The following CFAP46 variants were observed in gnomAD, a reference collection of about 807,000 sequenced individuals.
The protein encoded by CFAP46 is cilia- and flagella-associated protein 46.
Under a neutral mutation model 325.7 loss-of-function variants are expected in CFAP46, and 245 were observed. The ratio of observed to expected loss-of-function variants is 0.75; its 90% CI spans 0.68 to 0.84. The LOEUF is 0.84. Among genes scored for constraint, CFAP46 ranks in the 40% least tolerant of loss-of-function variants. The probability of loss-of-function intolerance (pLI) is 0.00; values close to 1 mark genes in which losing one functional copy is unlikely to be tolerated. For synonymous variants in CFAP46, 1,523 were observed against 1,495.9 expected (o/e 1.02, Z -0.42); for missense variants, 3,346 against 3,543.0 (o/e 0.94, Z 1.41).
chr10:132,846,905 C>A, intron 43 of CFAP46, 27 bp downstream of exon 43: 1 of 1,590,624 alleles, frequency 6.3e-7, no homozygotes, highest in South Asian at 1.1e-5. Context: ...AAGGGCCTGG[C>A]TGGAGGTGGG....
intron 18 of CFAP46, 105 bp from the exon 19 acceptor site, chr10:132,912,925 G>A (rs1849576479): frequency 1.3e-6 from 2 of 1,482,286 alleles, no homozygotes; most frequent in Non-Finnish European, 1.8e-6. Flanking sequence ...ATGCACGGGT[G>A]CCCACGACCC....
intron 22 of CFAP46, among the ~76,000 whole-genome samples, chr10:132,902,271 C>T (rs1317765419): frequency 6.6e-6 from 1 of 151,674 alleles, no homozygotes; most frequent in Non-Finnish European, 1.5e-5. Context: ...CCACAGGTCA[C>T]AGACGGAAAG....
In CFAP46 at chr10:132,827,182, CAG is replaced by C. The variant is rs1459382709; in HGVS notation, c.7117+6174_7117+6175del. Among the ~76,000 whole-genome samples the C allele has an allele frequency of 2.0e-5, 3 of 152,086 alleles. No homozygotes were observed. Among genetic ancestry groups the C allele is most frequent in the African/African-American group, 7.2e-5 (3 of 41,424 alleles). On this transcript the variant is annotated intron_variant, in intron 50 of 57. Transcript: ENST00000368586. This position sits in a 1 kb window ranked among gnomAD's most constrained non-coding sequence, Gnocchi z 5.7. ...TGAGCCACCCTCCTGCCATGCAGGG[CAG>C]ACACAACCCCACACGGTGCTCGTCA...
Position 132,909,938 on chromosome 10 carries a change from C to A in CFAP46, c.2630G>T (p.Arg877Leu). The change falls in exon 20 of 58, where the codon CGG (arginine) becomes CTG (leucine). Residue 877 changes from arginine (R) to leucine (L), a missense_variant. By Grantham distance (102) the Arg-to-Leu change is moderately radical. Coordinates refer to ENST00000368586, the MANE Select transcript of CFAP46 (RefSeq NM_001200049.3). Reference protein sequence around the residue: ...KQLLQQQIGPRLGTEEQGTNE... With the variant: ...KQLLQQQIGPLLGTEEQGTNE... ...GCCCACCTGCTCCTCGGTGCCCAGCCGTGGCCCAATCTGCTGCTGCAGCAG... is the reference window on the plus strand; with the variant it reads ...GCCCACCTGCTCCTCGGTGCCCAGCAGTGGCCCAATCTGCTGCTGCAGCAG... 6.6e-7 allele frequency: 1 copy of A among 1,511,408 alleles called. No homozygotes were observed. Among genetic ancestry groups the A allele is most frequent in the South Asian group, 1.2e-5 (1 of 80,058 alleles). The allele number at this position is 1,511,408 out of a possible 1,614,324, so 93.6% of individuals were successfully genotyped here. A position where few individuals can be genotyped will look rare whatever the true frequency, so the allele number is the denominator to read the frequency against.
rs1554876285 is a variant in CFAP46 at position 132,832,398 on chromosome 10, C to CCG, written c.7117+959_7117+960insCG. Among the ~76,000 whole-genome samples the CCG allele has an allele frequency of 1.7e-3, 222 of 133,004 alleles. 4 individuals are homozygous for CCG. The highest frequency in any genetic ancestry group is 5.6e-3 in the African/African-American group (196 of 35,158). 87.3% of individuals were successfully genotyped at this position (133,004 alleles called of 152,430 possible). On this transcript the variant is annotated intron_variant, in intron 50 of 57. Transcript: ENST00000368586. The surrounding 1 kb of genome is among the most constrained non-coding windows in gnomAD (Gnocchi z 4.1). ...CCCTGGGCTCTTCCTGCCCCCCCCC[C>CCG]CCAATGCTGTGGCCTGGAAATTCCC...
At chr10:132,930,172 A>C (rs1849871541) in intron 8 of CFAP46, among the ~76,000 whole-genome samples, 1 of 152,108 alleles carries the variant, frequency 6.6e-6, no homozygotes, top group Admixed American at 6.5e-5. Flanking sequence ...TCAGACCCAC[A>C]TCTGCAGCTC....
chr10:132,871,750 CT>C (rs1029928395), intron 32 of CFAP46, among the ~76,000 whole-genome samples: 93 of 152,204 alleles, frequency 6.1e-4, no homozygotes, highest in African/African-American at 2.1e-3. Context: ...GGATCTGCTC[CT>C]GGTAAAGATG....
At chr10:132,879,323 G>A (rs2135356014) in intron 29 of CFAP46, 103 bp downstream of exon 29, 2 of 1,163,260 alleles carry the variant, frequency 1.7e-6, no homozygotes, top group Middle Eastern at 2.9e-4. Context: ...AGGAAATGCT[G>A]GGAAAGACTC....
rs764748695 is a variant in CFAP46, at chr10:132,922,747, T to C, written c.1257-39A>G. 8.8e-6 allele frequency: 13 copies of C among 1,482,810 alleles called. No homozygotes were observed. In the South Asian group the frequency reaches 1.1e-4, roughly 13 times the overall value. 91.9% of individuals were successfully genotyped at this position (1,482,810 alleles called of 1,614,324 possible). On this transcript the variant is annotated intron_variant, in intron 11 of 57. Transcript: ENST00000368586. ...GTGGCATCAGGGGCCCTGGCGGCGC[T>C]GCGCCTCTGTCAGGCTGGGGTCACA...
chr10:132,816,922 A>G (rs1422775928), intron 50 of CFAP46, among the ~76,000 whole-genome samples: 1 of 152,220 alleles, frequency 6.6e-6, no homozygotes, highest in African/African-American at 2.4e-5. Flanking sequence ...TGTCTGAGGC[A>G]CAGTGGGATT....
intron 10 of CFAP46, among the ~76,000 whole-genome samples, chr10:132,926,109 G>A (rs905328003): frequency 2.0e-5 from 3 of 152,268 alleles, no homozygotes; most frequent in Non-Finnish European, 4.4e-5. Flanking sequence ...CAGCAGGACA[G>A]AGGTGGGTCA....
chr10:132,882,946 A>G (rs1849070642), intron 27 of CFAP46, among the ~76,000 whole-genome samples: 1 of 152,156 alleles, frequency 6.6e-6, no homozygotes, highest in Non-Finnish European at 1.5e-5. Context: ...TGGCATCCAC[A>G]GGCTGAGGAG....
chr10:132,890,325 C>T (rs1439736913), intron 25 of CFAP46, among the ~76,000 whole-genome samples: 1 of 152,226 alleles, frequency 6.6e-6, no homozygotes, highest in Non-Finnish European at 1.5e-5. Context: ...AAACACCCCA[C>T]AGGGCTGACA....
Position 132,886,084 on chromosome 10 carries a change from C to G in CFAP46, c.3305-125G>C, listed in dbSNP as rs1849126924. On this transcript the variant is annotated intron_variant, in intron 25 of 57. Transcript: ENST00000368586. The surrounding 1 kb of genome is among the most constrained non-coding windows in gnomAD (Gnocchi z 5.8). Reference sequence around the variant, plus strand: ...GGTGGAACCGCGGCTACAGAGGTGCCCAGGCCAGCGCATGCCCCGCAGGGC... The same window carrying G: ...GGTGGAACCGCGGCTACAGAGGTGCGCAGGCCAGCGCATGCCCCGCAGGGC... The G allele has an allele frequency of 7.6e-7, 1 of 1,310,350 alleles. No individual in the cohort carries two copies. The highest frequency in any genetic ancestry group is 1.5e-5 in the African/African-American group (1 of 68,534). 81.2% of individuals were successfully genotyped at this position (1,310,350 alleles called of 1,614,324 possible).
At chr10:132,837,585 G>A (rs1318525012) in intron 44 of CFAP46, among the ~76,000 whole-genome samples, 3 of 81,686 alleles carry the variant, frequency 3.7e-5, no homozygotes, top group African/African-American at 1.0e-4. Context: ...ACATGCACAC[G>A]TACACAGATG....
chr10:132,908,371 G>T, intron 22 of CFAP46, 97 bp downstream of exon 22: 1 of 1,412,396 alleles, frequency 7.1e-7, no homozygotes, highest in Non-Finnish European at 9.7e-7. Flanking sequence ...TGGGGAACTG[G>T]TGGGGCGCTC....
rs763711300 is a variant in CFAP46, at chr10:132,828,789, G to A, written c.7117+4569C>T. On this transcript the variant is annotated intron_variant, in intron 50 of 57. Coordinates refer to ENST00000368586, the MANE Select transcript of CFAP46 (RefSeq NM_001200049.3). The surrounding 1 kb of genome is among the most constrained non-coding windows in gnomAD (Gnocchi z 4.9). ...TGCGGCCTCGTTTTTGTTGTGTTTC[G>A]TTCTGCACTTGGACGTCCAGGGACT... Among the ~76,000 whole-genome samples, 50 of 152,026 alleles carry A rather than the reference G, an allele frequency of 3.3e-4. No homozygotes were observed. The highest frequency in any genetic ancestry group is 8.0e-4 in the African/African-American group (33 of 41,356).
intron 50 of CFAP46, among the ~76,000 whole-genome samples, chr10:132,821,647 A>T (rs1198811575): frequency 8.1e-5 from 5 of 61,852 alleles, no homozygotes; most frequent in East Asian, 5.0e-4. Flanking sequence ...GTGCTGTGTG[A>T]GTGCTGATGT....
Position 132,877,820 on chromosome 10 carries a change from G to T in CFAP46, c.4212+61C>A. ...CTCCTCCGAGAACCCTGACAGGCAG[G>T]GAAACTGAGGCACAGGCCATCCTGG... On this transcript the variant is annotated intron_variant, in intron 30 of 57. Coordinates refer to ENST00000368586, the MANE Select transcript of CFAP46 (RefSeq NM_001200049.3). This position sits in a 1 kb window ranked among gnomAD's most constrained non-coding sequence, Gnocchi z 5.7. 6.6e-7 allele frequency: 1 copy of T among 1,526,090 alleles called. No individual in the cohort carries two copies. The highest frequency in any genetic ancestry group is 8.8e-7 in the Non-Finnish European group (1 of 1,130,864). The allele number at this position is 1,526,090 out of a possible 1,614,324, so 94.5% of individuals were successfully genotyped here. A position where few individuals can be genotyped will look rare whatever the true frequency, so the allele number is the denominator to read the frequency against.
Sources: allele counts gnomAD v4.1 joint callset (sites outside exome capture counted in the v4.1 genomes callset), GRCh38; gene constraint gnomAD v4.1.1; non-coding constraint Gnocchi (gnomAD v3.1); transcripts MANE v1.5; gene names NCBI Gene and HGNC (gene_info 2026-07-23, HGNC 2026-07-21).